FRY: variants seen among roughly 807,000 people sequenced by gnomAD.
FRY encodes FRY microtubule binding protein, also known as protein furry homolog.
Under a neutral mutation model 348.4 loss-of-function variants are expected in FRY, and 128 were observed. The observed-to-expected ratio is 0.37, with a 90% CI of 0.32 to 0.43. The LOEUF (loss-of-function observed/expected upper bound fraction) is 0.43. FRY is among the 20% of genes least tolerant of loss of function. The pLI is 1.00. For synonymous variants in FRY, 1,370 were observed against 1,374.7 expected (o/e 1.00, Z 0.08); for missense variants, 2,736 against 3,695.2 (o/e 0.74, Z 6.73).
chr13:32,242,027 G>A lies in FRY; in HGVS notation c.6688-2015G>A, dbSNP rs554674363. ...GTATATTTCTATGTGTTGGGGTAGCGCACAGAGTGCTGTTTTAAATAACTC... is the reference window on the plus strand; with the variant it reads ...GTATATTTCTATGTGTTGGGGTAGCACACAGAGTGCTGTTTTAAATAACTC... On this transcript the variant is annotated intron_variant, in intron 46 of 60. Coordinates refer to ENST00000542859, the MANE Select transcript of FRY (RefSeq NM_023037.3). 1.4e-4 allele frequency among the ~76,000 whole-genome samples: 21 copies of A among 152,252 alleles called. No individual in the cohort carries two copies. The Middle Eastern group carries it at 0.01, about 74-fold the overall frequency.
intron 31 of FRY, among the ~76,000 whole-genome samples, chr13:32,206,317 A>G (rs1884347799): frequency 6.6e-6 from 1 of 152,190 alleles, no homozygotes; most frequent in Admixed American, 6.5e-5. Context: ...ATGGAAACAT[A>G]AAGGAAAAAG....
chr13:32,244,495 C>G (rs897756323), intron 47 of FRY, among the ~76,000 whole-genome samples: 1 of 152,094 alleles, frequency 6.6e-6, no homozygotes, highest in South Asian at 2.1e-4. Context: ...TTTTTTTATC[C>G]CGTTTCAGAG....
At chr13:32,046,137 A>T (rs1406614932) in intron 1 of FRY, among the ~76,000 whole-genome samples, 2 of 152,194 alleles carry the variant, frequency 1.3e-5, no homozygotes, top group Admixed American at 6.5e-5. Flanking sequence ...AGAGACTGTC[A>T]CTTCTTGGGC....
At chr13:32,097,073 G>A (rs1424142405) in intron 2 of FRY, among the ~76,000 whole-genome samples, 1 of 151,994 alleles carries the variant, frequency 6.6e-6, no homozygotes, top group Non-Finnish European at 1.5e-5. Flanking sequence ...ATTTGTAGTG[G>A]GACAAAAATA....
rs6144991 is a variant in FRY, at chr13:32,286,747, C to CAA, written c.8470-2850_8470-2849dup. Among the ~76,000 whole-genome samples, 31 of 77,504 alleles carry CAA rather than the reference C, an allele frequency of 4.0e-4. 4 individuals carry two copies. The highest frequency in any genetic ancestry group is 6.1e-3 in the Middle Eastern group (1 of 164). 50.8% of individuals were successfully genotyped at this position (77,504 alleles called of 152,430 possible). On this transcript the variant is annotated intron_variant, in intron 58 of 60. Transcript: ENST00000542859. Reference sequence around the variant, plus strand: ...GGGGAGACAGAGCAAGACTCTGTCTCAAAAAAAAAAAAAAAAAAAAAAAAA... The same window carrying CAA: ...GGGGAGACAGAGCAAGACTCTGTCTCAAAAAAAAAAAAAAAAAAAAAAAAAAA...
At chr13:32,049,754 A>C (rs757226543) in intron 1 of FRY, among the ~76,000 whole-genome samples, 2 of 152,212 alleles carry the variant, frequency 1.3e-5, no homozygotes, top group Non-Finnish European at 2.9e-5. Flanking sequence ...GTTAGATAGA[A>C]GGGAACAGAT....
intron 53 of FRY, among the ~76,000 whole-genome samples, chr13:32,262,860 A>C (rs1248946725): frequency 6.9e-6 from 1 of 145,654 alleles, no homozygotes; most frequent in African/African-American, 2.4e-5. Context: ...GTATGCACAT[A>C]TTTGGGGAAT....
At chr13:32,127,191 A>G (rs1195746739) in intron 7 of FRY, among the ~76,000 whole-genome samples, 1 of 152,178 alleles carries the variant, frequency 6.6e-6, no homozygotes, top group Non-Finnish European at 1.5e-5. Flanking sequence ...TTTTTAAACT[A>G]CTTTCTCTTT....
chr13:32,185,986 A>C (rs1883003199), intron 26 of FRY, among the ~76,000 whole-genome samples: 1 of 152,146 alleles, frequency 6.6e-6, no homozygotes, highest in Non-Finnish European at 1.5e-5. Flanking sequence ...CAGTTTTCCC[A>C]GGTATTGATT....
At chr13:32,144,304 G>A (rs1880270589) in intron 11 of FRY, among the ~76,000 whole-genome samples, 1 of 143,328 alleles carries the variant, frequency 7.0e-6, no homozygotes, top group African/African-American at 2.7e-5. Flanking sequence ...TAGCTATAAA[G>A]TTCATCTAGA....
At chr13:32,088,619 G>A (rs1250032956) in intron 2 of FRY, among the ~76,000 whole-genome samples, 1 of 152,058 alleles carries the variant, frequency 6.6e-6, no homozygotes, top group East Asian at 1.9e-4. Context: ...TTTCTTCTGT[G>A]GCTCCTAAAT....
At chr13:32,216,280 T>C (rs1884983307) in intron 35 of FRY, among the ~76,000 whole-genome samples, 1 of 152,132 alleles carries the variant, frequency 6.6e-6, no homozygotes. Context: ...CAAAGGAAAA[T>C]AACAGATTTT....
chr13:32,063,091 C>T (rs1471067515), intron 1 of FRY, among the ~76,000 whole-genome samples: 1 of 152,130 alleles, frequency 6.6e-6, no homozygotes, highest in Non-Finnish European at 1.5e-5. Flanking sequence ...TCAAGTCACC[C>T]TCTGCATCAT....
chr13:32,120,540 A>ATTTGTGAGATTTTGGTGCACCCATCAC (rs1391006795), intron 4 of FRY, among the ~76,000 whole-genome samples: 1 of 152,142 alleles, frequency 6.6e-6, no homozygotes, highest in Non-Finnish European at 1.5e-5. Flanking sequence ...TTTAGTGGTT[A>ATTTGTGAGATTTTGGTGCACCCATCAC]TTTGTGAGAT....
chr13:32,216,023 A>ATTAAAAATACAAAAAT (rs1884973022), intron 35 of FRY, among the ~76,000 whole-genome samples: 1 of 152,236 alleles, frequency 6.6e-6, no homozygotes, highest in Admixed American at 6.5e-5. Context: ...ATCTAAATTG[A>ATTAAAAATACAAAAAT]TAGTGTTGAT....
chr13:32,074,768 A>G (rs969462662), intron 1 of FRY, among the ~76,000 whole-genome samples: 8 of 152,380 alleles, frequency 5.3e-5, no homozygotes, highest in Non-Finnish European at 1.0e-4. Context: ...AAGTATTTGG[A>G]TGGGGAAGAT....
chr13:32,291,971 TTTG>T (rs904716122), intron 59 of FRY: 5 of 451,988 alleles, frequency 1.1e-5, no homozygotes, highest in African/African-American at 8.0e-5. Flanking sequence ...ATAAAGTTTT[TTTG>T]TTGTTGTTGT....
chr13:32,124,189 T>A, intron 4 of FRY, 97 bp from the exon 5 acceptor site: 1 of 761,208 alleles, frequency 1.3e-6, no homozygotes, highest in Non-Finnish European at 2.3e-6. Context: ...AAATGGGTTT[T>A]GCAGTCTATT....
chr13:32,036,185 G>C (rs189523682), intron 1 of FRY, among the ~76,000 whole-genome samples: 1 of 152,320 alleles, frequency 6.6e-6, no homozygotes, highest in Admixed American at 6.5e-5. Flanking sequence ...GTTGAAAGAA[G>C]TGGAAAACTA....
Sources: allele counts gnomAD v4.1 joint callset (sites outside exome capture counted in the v4.1 genomes callset), GRCh38; gene constraint gnomAD v4.1.1; transcripts MANE v1.5; gene names NCBI Gene and HGNC (gene_info 2026-07-23, HGNC 2026-07-21).